The following TPR variants were observed in gnomAD, a reference collection of about 807,000 sequenced individuals.
TPR encodes translocated promoter region, nuclear basket protein.
Under a neutral mutation model 316.1 loss-of-function variants are expected in TPR, and 51 were observed. The ratio of observed to expected loss-of-function variants is 0.16; its 90% CI spans 0.13 to 0.20. TPR has a LOEUF of 0.20. Ranked by LOEUF, TPR falls within the 10% of genes least tolerant of loss-of-function variation. The pLI, the probability that TPR is intolerant of heterozygous loss-of-function variation, is 1.00. For synonymous variants in TPR, 981 were observed against 914.7 expected (o/e 1.07, Z -1.31); for missense variants, 2,272 against 2,754.8 (o/e 0.82, Z 3.92).
At position 186,338,254 on chromosome 1, in the gene TPR, T is replaced by C; in HGVS notation, c.4152-11A>G. ...AAAGATGCATTTGATCTTTAAAAAA[T>C]GGAGGAAAGAAGAAAGATTAAATAT... On this transcript the variant is annotated splice_polypyrimidine_tract_variant and intron_variant, in intron 30 of 50. Coordinates refer to ENST00000367478, the MANE Select transcript of TPR (RefSeq NM_003292.3). 1 of 1,588,182 alleles carries C rather than the reference T, an allele frequency of 6.3e-7. No individual in the cohort carries two copies.
At chr1:186,339,484 C>A (rs17580052) in intron 30 of TPR, among the ~76,000 whole-genome samples, 158 bp downstream of exon 30, 43,158 of 151,950 alleles carry the variant, frequency 0.28, 6,760 homozygotes, top group Admixed American at 0.38. Flanking sequence ...AATATTAAAT[C>A]ACTGCTTGAC....
At chr1:186,317,343 A>G in intron 49 of TPR, 139 bp downstream of exon 49, 1 of 686,120 alleles carries the variant, frequency 1.5e-6, no homozygotes, top group South Asian at 1.8e-5. Flanking sequence ...AGTTCCTTTT[A>G]ATAATAAAAT....
Position 186,312,926 on chromosome 1 carries a change from G to T in TPR, c.*1045C>A, listed in dbSNP as rs1046432362. Reference sequence around the variant, plus strand: ...TATTAACTAACAGTTTCCCAAGGAGGTGATATCATTTGTGAAAACATGAAG... The same window carrying T: ...TATTAACTAACAGTTTCCCAAGGAGTTGATATCATTTGTGAAAACATGAAG... On this transcript the variant is annotated 3_prime_UTR_variant, in exon 51 of 51. Coordinates refer to ENST00000367478, the MANE Select transcript of TPR (RefSeq NM_003292.3). The T allele has an allele frequency of 3.8e-6, 6 of 1,592,790 alleles. No homozygotes were observed. Among genetic ancestry groups the T allele is most frequent in the Admixed American group, 3.3e-5 (2 of 59,966 alleles).
chr1:186,341,341 C>T lies in TPR; in HGVS notation c.3799G>A (p.Glu1267Lys), dbSNP rs1658501006. Reference sequence around the variant, plus strand: ...GTCTCCATAACTACATTCATTGTTTCAGTTTTCTTCATCAGTTCTTCATGC... The same window carrying T: ...GTCTCCATAACTACATTCATTGTTTTAGTTTTCTTCATCAGTTCTTCATGC... ...AQHEELMKKTETMNVVMETNK... is the reference protein window; with the variant it reads ...AQHEELMKKTKTMNVVMETNK... The change falls in exon 28 of 51, where the codon GAA becomes AAA. Residue 1267 changes from glutamate to lysine, a missense_variant. This residue lies in a region of TPR where 757 missense variants were observed against 859.8 expected (regional missense o/e 0.88). Coordinates refer to ENST00000367478, the MANE Select transcript of TPR (RefSeq NM_003292.3). 6 of 1,613,668 alleles carry T rather than the reference C, an allele frequency of 3.7e-6. No homozygotes were observed. The highest frequency in any genetic ancestry group is 4.2e-6 in the Non-Finnish European group (5 of 1,179,988).
chr1:186,326,684 T>A (rs1362040520), intron 40 of TPR, among the ~76,000 whole-genome samples: 1 of 151,386 alleles, frequency 6.6e-6, no homozygotes, highest in Non-Finnish European at 1.5e-5. Context: ...ACACTTTATA[T>A]ATAAAAAAAT....
In TPR at chr1:186,347,326, G is replaced by A. The variant is rs1256655233; in HGVS notation, c.2909C>T (p.Thr970Ile). Residue 970 changes from threonine to isoleucine, a missense_variant, in exon 22 of 51, where the codon ACT becomes ATT. Thr to Ile is a moderately conservative substitution (Grantham distance 89, BLOSUM62 -1). This residue lies in a region of TPR where 757 missense variants were observed against 859.8 expected (regional missense o/e 0.88). Transcript: ENST00000367478. ...SNVEQYQAMV[T>I]SLEESLNKEK... ...CTTGTTCAGGGATTCTTCTAAACTA[G>A]TAACCATTGCTTGATATTGTTCCAC... 1.2e-6 allele frequency: 2 copies of A among 1,613,934 alleles called. No individual in the cohort carries two copies. Among genetic ancestry groups the A allele is most frequent in the Admixed American group, 3.3e-5 (2 of 60,024 alleles).
Position 186,320,851 on chromosome 1 carries a change from T to C in TPR, c.6462-433A>G, listed in dbSNP as rs1657756567. ...CCTGTCTAGCTTATTAAGAGTTCACTAGCTAGCTCCCAAGGTTTAGGAAAA... is the reference window on the plus strand; with the variant it reads ...CCTGTCTAGCTTATTAAGAGTTCACCAGCTAGCTCCCAAGGTTTAGGAAAA... On this transcript the variant is annotated intron_variant, in intron 45 of 50. Transcript: ENST00000367478. Among the ~76,000 whole-genome samples, 6 of 152,332 alleles carry C rather than the reference T, an allele frequency of 3.9e-5. No individual in the cohort carries two copies. The South Asian group carries it at 1.2e-3, about 32-fold the overall frequency.
chr1:186,373,829 C>T (rs1242443456), intron 1 of TPR, among the ~76,000 whole-genome samples: 1 of 151,990 alleles, frequency 6.6e-6, no homozygotes, highest in South Asian at 2.1e-4. Context: ...AAAAAAAACT[C>T]CTTTGTTTTA....
At chr1:186,367,791 AT>A in intron 4 of TPR, 94 bp downstream of exon 4, 3 of 798,826 alleles carry the variant, frequency 3.8e-6, no homozygotes, top group African/African-American at 1.7e-5. Flanking sequence ...TAACAAAAAA[AT>A]ATCAGCAACA....
At chr1:186,339,225 T>C (rs1658430595) in intron 30 of TPR, among the ~76,000 whole-genome samples, 1 of 151,744 alleles carries the variant, frequency 6.6e-6, no homozygotes, top group Non-Finnish European at 1.5e-5. Context: ...AGCCCAGGAG[T>C]TTGAGACCAG....
chr1:186,361,303 T>A (rs544998399), intron 9 of TPR, among the ~76,000 whole-genome samples: 3 of 151,930 alleles, frequency 2.0e-5, no homozygotes, highest in Non-Finnish European at 2.9e-5. Flanking sequence ...GTCTTATTTA[T>A]AAAGTAAGAG....
chr1:186,355,879 G>GTTTCATTTCAAT, intron 15 of TPR, 111 bp from the exon 16 acceptor site: 1 of 1,278,324 alleles, frequency 7.8e-7, no homozygotes, highest in Non-Finnish European at 1.1e-6. Flanking sequence ...TAAACTTATT[G>GTTTCATTTCAAT]AAATGAAACA....
At position 186,325,868 on chromosome 1, in the gene TPR, G is replaced by T. The variant is rs201983693; in HGVS notation, c.6022-14C>A. The T allele has an allele frequency of 6.2e-7, 1 of 1,609,420 alleles. No homozygotes were observed. The highest frequency in any genetic ancestry group is 1.3e-5 in the African/African-American group (1 of 74,642). Reference sequence around the variant, plus strand: ...CCCATCACCACCCTAAAAACAAAACGTGGTAACATAATGCTCAAATAAAAT... The same window carrying T: ...CCCATCACCACCCTAAAAACAAAACTTGGTAACATAATGCTCAAATAAAAT... On this transcript the variant is annotated splice_polypyrimidine_tract_variant and intron_variant, in intron 41 of 50. Transcript: ENST00000367478.
At chr1:186,339,206 G>A (rs961701517) in intron 30 of TPR, among the ~76,000 whole-genome samples, 3 of 152,016 alleles carry the variant, frequency 2.0e-5, no homozygotes, top group Admixed American at 6.6e-5. Context: ...GAAGTGGGAG[G>A]ACAGCTTGAG....
intron 22 of TPR, among the ~76,000 whole-genome samples, chr1:186,346,521 A>G (rs1038978283): frequency 6.6e-6 from 1 of 152,172 alleles, no homozygotes; most frequent in Non-Finnish European, 1.5e-5. Context: ...TTTTGAAATG[A>G]AATTTCCAAT....
chr1:186,319,206 C>T (rs925482845), intron 46 of TPR, among the ~76,000 whole-genome samples: 2 of 152,118 alleles, frequency 1.3e-5, no homozygotes, highest in South Asian at 2.1e-4. Context: ...CAAGGCTGCA[C>T]CTGAACTCCT....
chr1:186,357,878 G>A (rs1659074307), intron 13 of TPR, among the ~76,000 whole-genome samples: 2 of 151,996 alleles, frequency 1.3e-5, no homozygotes, highest in Admixed American at 6.6e-5. Flanking sequence ...CCCAAAACAT[G>A]GCTCCAGTTT....
intron 20 of TPR, 91 bp downstream of exon 20, chr1:186,351,239 A>T: frequency 7.2e-7 from 1 of 1,390,398 alleles, no homozygotes; most frequent in Non-Finnish European, 9.5e-7. Context: ...TTTCAAAATC[A>T]TGCTTCATCT....
intron 30 of TPR, among the ~76,000 whole-genome samples, chr1:186,338,533 A>G (rs970893247): frequency 6.6e-6 from 1 of 152,212 alleles, no homozygotes; most frequent in Non-Finnish European, 1.5e-5. Flanking sequence ...CCAGATTTTA[A>G]TTCAGACTTG....
Sources: allele counts gnomAD v4.1 joint callset (sites outside exome capture counted in the v4.1 genomes callset), GRCh38; gene constraint gnomAD v4.1.1; regional missense constraint gnomAD v4.1.1; transcripts MANE v1.5; gene names NCBI Gene and HGNC (gene_info 2026-07-23, HGNC 2026-07-21).